The following ENTREP2 variants were observed in gnomAD, a reference collection of about 807,000 sequenced individuals.
ENTREP2 encodes endosomal transmembrane epsin interactor 2.
chr15:29,409,085 AG>A, the ENTREP2 span, among the ~76,000 whole-genome samples: 2 of 152,228 alleles, frequency 1.3e-5, no homozygotes, highest in Non-Finnish European at 2.9e-5. Context: ...TGTTCAAACT[AG>A]CTTCCAATGC....
At chr15:29,458,760 G>A in the ENTREP2 span, among the ~76,000 whole-genome samples, 15 of 152,018 alleles carry the variant, frequency 9.9e-5, no homozygotes, top group Non-Finnish European at 1.8e-4. Flanking sequence ...GAACACAAAC[G>A]TTTTTTTCTG....
the ENTREP2 span, among the ~76,000 whole-genome samples, chr15:29,393,428 A>G: frequency 6.6e-6 from 1 of 152,106 alleles, no homozygotes; most frequent in African/African-American, 2.4e-5. Flanking sequence ...TATGGTGGAC[A>G]CTCATGCTCA....
chr15:29,623,894 C>A, the ENTREP2 span, among the ~76,000 whole-genome samples: 656 of 152,256 alleles, frequency 4.3e-3, 9 homozygotes, highest in African/African-American at 0.015. Flanking sequence ...CACCACTACG[C>A]CCAGCTAAGT....
the ENTREP2 span, among the ~76,000 whole-genome samples, chr15:29,224,699 TC>T: frequency 6.6e-5 from 10 of 152,084 alleles, no homozygotes; most frequent in Non-Finnish European, 1.2e-4. Flanking sequence ...GTTCTCCAAG[TC>T]CCCACCAGAC....
the ENTREP2 span, among the ~76,000 whole-genome samples, chr15:29,158,405 C>CTTTTTTT: frequency 7.5e-6 from 1 of 133,174 alleles, no homozygotes; most frequent in African/African-American, 2.8e-5. Flanking sequence ...TTATCTCTGC[C>CTTTTTTT]TTTTTTTTTT....
the ENTREP2 span, among the ~76,000 whole-genome samples, chr15:29,600,914 T>TTTTTTTTTTTTTTTTTTTTTTTTTG: frequency 6.9e-6 from 1 of 144,274 alleles, no homozygotes; most frequent in Non-Finnish European, 1.5e-5. Context: ...TTTTTTTTTT[T>TTTTTTTTTTTTTTTTTTTTTTTTTG]TGAGACAGAG....
chr15:29,398,313 CG>C, the ENTREP2 span, among the ~76,000 whole-genome samples: 1 of 151,770 alleles, frequency 6.6e-6, no homozygotes, highest in East Asian at 1.9e-4. Flanking sequence ...TGGGGGTTCA[CG>C]TCAGGAATGA....
the ENTREP2 span, among the ~76,000 whole-genome samples, chr15:29,255,593 C>T: frequency 6.6e-5 from 10 of 152,066 alleles, no homozygotes; most frequent in African/African-American, 2.4e-4. Flanking sequence ...TTCACCACAG[C>T]ATTATTCACA....
chr15:29,506,369 C>A, the ENTREP2 span, among the ~76,000 whole-genome samples: 1 of 152,102 alleles, frequency 6.6e-6, no homozygotes, highest in Non-Finnish European at 1.5e-5. Flanking sequence ...ACCAACCTAG[C>A]AAGACAAGCC....
the ENTREP2 span, among the ~76,000 whole-genome samples, chr15:29,288,525 A>AT: frequency 1.8e-3 from 276 of 152,160 alleles, no homozygotes; most frequent in African/African-American, 6.5e-3. Flanking sequence ...TCATAACTCT[A>AT]TATTAAGTGT....
the ENTREP2 span, among the ~76,000 whole-genome samples, chr15:29,162,677 C>T: frequency 6.6e-6 from 1 of 152,066 alleles, no homozygotes; most frequent in Admixed American, 6.5e-5. Flanking sequence ...AGAGTCTGAG[C>T]TCAGATACGC....
the ENTREP2 span, among the ~76,000 whole-genome samples, chr15:29,365,936 C>G: frequency 6.6e-6 from 1 of 152,136 alleles, no homozygotes; most frequent in African/African-American, 2.4e-5. Flanking sequence ...CCAGCATTCA[C>G]GCTGAAACAC....
the ENTREP2 span, among the ~76,000 whole-genome samples, chr15:29,119,270 T>C: frequency 1.9e-5 from 1 of 53,934 alleles, no homozygotes; most frequent in African/African-American, 3.6e-5. Context: ...ATGAATATGC[T>C]TAAGAATGAT....
the ENTREP2 span, among the ~76,000 whole-genome samples, chr15:29,246,573 G>A: frequency 6.6e-6 from 1 of 151,836 alleles, no homozygotes; most frequent in Non-Finnish European, 1.5e-5. Context: ...GGTGGCGGGC[G>A]CCTGTAATCC....
At chr15:29,311,027 A>G in the ENTREP2 span, among the ~76,000 whole-genome samples, 9 of 152,168 alleles carry the variant, frequency 5.9e-5, no homozygotes, top group African/African-American at 2.2e-4. Context: ...ATTTTGTAGA[A>G]GAAGGAAGAG....
At chr15:29,265,945 G>A in the ENTREP2 span, 1 of 152,134 alleles carries the variant, frequency 6.6e-6, no homozygotes, top group African/African-American at 2.4e-5. Flanking sequence ...AGGATTAGGG[G>A]AATTTTTTAA....
chr15:29,508,303 C>T, the ENTREP2 span, among the ~76,000 whole-genome samples: 47 of 152,254 alleles, frequency 3.1e-4, no homozygotes, highest in African/African-American at 1.1e-3. Flanking sequence ...GATTTACAGC[C>T]GAATTCTACC....
chr15:29,315,079 G>A, the ENTREP2 span, among the ~76,000 whole-genome samples: 1 of 152,148 alleles, frequency 6.6e-6, no homozygotes, highest in South Asian at 2.1e-4. Flanking sequence ...TGACATGCTT[G>A]TGAAAGTAAA....
At chr15:29,469,231 GCT>G in the ENTREP2 span, among the ~76,000 whole-genome samples, 1 of 152,234 alleles carries the variant, frequency 6.6e-6, no homozygotes, top group Admixed American at 6.5e-5. Context: ...ACAGAGTTTC[GCT>G]CTGTCGCCCA....
Sources: allele counts gnomAD v4.1 joint callset (sites outside exome capture counted in the v4.1 genomes callset), GRCh38; gene constraint gnomAD v4.1.1; transcripts MANE v1.5; gene names NCBI Gene and HGNC (gene_info 2026-07-23, HGNC 2026-07-21).